The following CSMD3 variants were observed in gnomAD, a reference collection of about 807,000 sequenced individuals.
The protein encoded by CSMD3 is CUB and Sushi multiple domains 3, also known as CUB and sushi domain-containing protein 3.
In CSMD3, 177 loss-of-function variants were observed where a neutral mutation model predicts 435.2. The observed-to-expected ratio is 0.41, with a 90% CI of 0.36 to 0.46. CSMD3 has a LOEUF of 0.46. CSMD3 is among the 20% of genes least tolerant of loss of function. CSMD3 has a pLI of 0.34. For synonymous variants in CSMD3, 1,656 were observed against 1,520.5 expected (o/e 1.09, Z -2.07); for missense variants, 4,265 against 4,504.6 (o/e 0.95, Z 1.52).
intron 22 of CSMD3, among the ~76,000 whole-genome samples, chr8:112,629,219 A>G (rs1180457229): frequency 7.0e-6 from 1 of 143,512 alleles, no homozygotes; most frequent in Non-Finnish European, 1.5e-5. Flanking sequence ...TTATTTTTTT[A>G]GAGACAGCAT....
intron 2 of CSMD3, among the ~76,000 whole-genome samples, chr8:113,301,472 T>C (rs1329928900): frequency 6.6e-6 from 1 of 152,008 alleles, no homozygotes; most frequent in Non-Finnish European, 1.5e-5. Flanking sequence ...ATTTGACTGT[T>C]ATAGTTAGAA....
chr8:113,291,232 C>T (rs2093684216), intron 2 of CSMD3, among the ~76,000 whole-genome samples: 2 of 151,626 alleles, frequency 1.3e-5, no homozygotes, highest in South Asian at 2.1e-4. Context: ...TATTATGTAT[C>T]TGTTTTAAAC....
intron 32 of CSMD3, among the ~76,000 whole-genome samples, chr8:112,445,513 G>A (rs551590032): frequency 6.6e-6 from 1 of 152,172 alleles, no homozygotes; most frequent in East Asian, 1.9e-4. Flanking sequence ...GTGGGGGAAG[G>A]TGCCACATTC....
chr8:113,328,098 GACACACACAC>G (rs149822754), intron 1 of CSMD3, among the ~76,000 whole-genome samples: 3 of 148,674 alleles, frequency 2.0e-5, no homozygotes, highest in Admixed American at 6.7e-5. Context: ...GACACACACA[GACACACACAC>G]ACACACACAC....
chr8:112,244,453 G>T lies in CSMD3; in HGVS notation c.10343C>A (p.Thr3448Lys). 1 of 1,613,874 alleles carries T rather than the reference G, an allele frequency of 6.2e-7. No individual in the cohort carries two copies. Among genetic ancestry groups the T allele is most frequent in the Middle Eastern group, 1.7e-4 (1 of 6,056 alleles). ...ATCGGATCTACACACTCTATGTTCT[G>T]TTCCACCTGCTAAGAAGAAGCCAGG... is the stretch of plus-strand genomic sequence containing the variant. Reference protein sequence around the residue: ...CQPGFFLAGGTEHRVCRSDNT... With the variant: ...CQPGFFLAGGKEHRVCRSDNT... The change falls in exon 65 of 71, where the codon ACA becomes AAA. Residue 3448 changes from threonine to lysine, a missense_variant. By Grantham distance (78) the Thr-to-Lys change is moderately conservative. Transcript: ENST00000297405.
chr8:112,614,301 A>G (rs934131376), intron 22 of CSMD3, among the ~76,000 whole-genome samples: 1 of 152,078 alleles, frequency 6.6e-6, no homozygotes, highest in Non-Finnish European at 1.5e-5. Context: ...TCTATTTGCA[A>G]CTTAGAGCCT....
intron 16 of CSMD3, among the ~76,000 whole-genome samples, chr8:112,674,043 A>C (rs1563837865): frequency 6.6e-6 from 1 of 151,972 alleles, no homozygotes; most frequent in Admixed American, 6.6e-5. Context: ...CACTTCTAGT[A>C]TTTAAAAACT....
intron 31 of CSMD3, among the ~76,000 whole-genome samples, chr8:112,476,158 ACCT>A (rs1819030358): frequency 6.6e-6 from 1 of 151,928 alleles, no homozygotes; most frequent in African/African-American, 2.4e-5. Flanking sequence ...AGATTCTCCT[ACCT>A]CAGCCTCCAG....
chr8:113,119,753 T>C (rs2090933739), intron 4 of CSMD3, among the ~76,000 whole-genome samples: 1 of 152,132 alleles, frequency 6.6e-6, no homozygotes, highest in East Asian at 1.9e-4. Flanking sequence ...AAAAAATAGT[T>C]AAATACATAT....
chr8:113,416,881 C>T (rs944400411), intron 1 of CSMD3, among the ~76,000 whole-genome samples: 9 of 152,040 alleles, frequency 5.9e-5, no homozygotes, highest in African/African-American at 7.2e-5. Context: ...AGAGGAAAGC[C>T]GTCATAAACT....
intron 16 of CSMD3, 72 bp from the exon 17 acceptor site, chr8:112,666,487 C>A: frequency 1.4e-6 from 2 of 1,379,796 alleles, no homozygotes; most frequent in Non-Finnish European, 2.0e-6. Context: ...TTAATACAAA[C>A]AATTTCAAAA....
chr8:112,506,620 G>C (rs1822549413), intron 29 of CSMD3, 71 bp downstream of exon 29: 6 of 1,447,770 alleles, frequency 4.1e-6, no homozygotes, highest in Non-Finnish European at 4.9e-6. Context: ...AATTAGTCTA[G>C]TACAAATGCT....
chr8:113,023,110 A>AC (rs1296422404), intron 5 of CSMD3, among the ~76,000 whole-genome samples: 1 of 152,032 alleles, frequency 6.6e-6, no homozygotes, highest in African/African-American at 2.4e-5. Context: ...TTAATGTTAA[A>AC]CCGCTTTTAT....
chr8:113,106,644 A>G (rs2090485751), intron 4 of CSMD3, among the ~76,000 whole-genome samples: 1 of 152,192 alleles, frequency 6.6e-6, no homozygotes, highest in Admixed American at 6.5e-5. Flanking sequence ...TTGATGTGGT[A>G]GAGACGACTA....
At chr8:113,185,018 A>G (rs2092478090) in intron 3 of CSMD3, among the ~76,000 whole-genome samples, 1 of 152,180 alleles carries the variant, frequency 6.6e-6, no homozygotes, top group East Asian at 1.9e-4. Flanking sequence ...CAGCAACACT[A>G]GTGGGTAGCA....
chr8:113,355,700 A>G (rs2094218040), intron 1 of CSMD3, among the ~76,000 whole-genome samples: 1 of 136,912 alleles, frequency 7.3e-6, no homozygotes, highest in Non-Finnish European at 1.5e-5. Context: ...GCCTGAATAA[A>G]TAACTCTTAA....
intron 49 of CSMD3, among the ~76,000 whole-genome samples, chr8:112,312,838 G>A (rs1297313249): frequency 6.6e-6 from 1 of 152,108 alleles, no homozygotes; most frequent in African/African-American, 2.4e-5. Flanking sequence ...TTTTAGAACT[G>A]AAATTCAAAA....
intron 5 of CSMD3, among the ~76,000 whole-genome samples, chr8:113,037,835 C>T (rs2087426932): frequency 6.6e-6 from 1 of 152,006 alleles, no homozygotes; most frequent in Non-Finnish European, 1.5e-5. Context: ...TTTCTTAATT[C>T]TCCAGTCAAA....
At chr8:112,829,123 T>G (rs1216758508) in intron 12 of CSMD3, among the ~76,000 whole-genome samples, 2 of 152,154 alleles carry the variant, frequency 1.3e-5, no homozygotes, top group East Asian at 3.8e-4. Context: ...GTAGTAGCTG[T>G]CTATGCTGAT....
Sources: allele counts gnomAD v4.1 joint callset (sites outside exome capture counted in the v4.1 genomes callset), GRCh38; gene constraint gnomAD v4.1.1; transcripts MANE v1.5; gene names NCBI Gene and HGNC (gene_info 2026-07-23, HGNC 2026-07-21).